MACROD2: variants seen among roughly 807,000 people sequenced by gnomAD.
MACROD2 encodes mono-ADP ribosylhydrolase 2, also known as ADP-ribose glycohydrolase MACROD2.
A neutral mutation model predicts 70.4 loss-of-function variants in MACROD2; 36 were observed. That is an observed-to-expected ratio of 0.51 (90% CI 0.39 to 0.68). The LOEUF (loss-of-function observed/expected upper bound fraction) is 0.68. Among genes scored for constraint, MACROD2 ranks in the 30% least tolerant of loss-of-function variants. The pLI, the probability that MACROD2 is intolerant of heterozygous loss-of-function variation, is 0.00. For missense variants in MACROD2, 496 were observed against 538.4 expected (o/e 0.92, Z 0.78); for synonymous variants, 172 against 178.8 (o/e 0.96, Z 0.30).
intron 6 of MACROD2, among the ~76,000 whole-genome samples, chr20:15,280,154 A>G (rs1024879151): frequency 2.0e-5 from 3 of 152,232 alleles, no homozygotes; most frequent in African/African-American, 7.2e-5. Flanking sequence ...AATTTTTATA[A>G]CAAGGAGTTT....
In MACROD2 at chr20:14,928,538, C is replaced by T. The variant is rs147155608; in HGVS notation, c.418+243579C>T. Among the ~76,000 whole-genome samples the T allele has an allele frequency of 4.4e-3, 667 of 152,092 alleles. 8 individuals carry two copies. Among genetic ancestry groups the T allele is most frequent in the African/African-American group, 0.015 (624 of 41,476 alleles). The stretch of plus-strand genomic sequence containing the variant: ...AGCAAGTAGTAGGTAAGGGATTTGC[C>T]AAAAAATTACATAGCTGGTTAATAT... On this transcript the variant is annotated intron_variant, in intron 5 of 17. Coordinates refer to ENST00000684519, the MANE Select transcript of MACROD2 (RefSeq NM_001351661.2).
At chr20:15,266,986 C>A (rs2077301145) in intron 6 of MACROD2, among the ~76,000 whole-genome samples, 1 of 152,188 alleles carries the variant, frequency 6.6e-6, no homozygotes, top group Admixed American at 6.5e-5. Context: ...AGCCATTGTG[C>A]AAATAATGTG....
chr20:14,556,011 T>C (rs1979008692), intron 4 of MACROD2, among the ~76,000 whole-genome samples: 1 of 152,068 alleles, frequency 6.6e-6, no homozygotes, highest in African/African-American at 2.4e-5. Flanking sequence ...CTTAACCATA[T>C]AATTATTTTC....
intron 3 of MACROD2, among the ~76,000 whole-genome samples, chr20:14,330,693 T>C (rs1253624037): frequency 2.0e-5 from 3 of 152,110 alleles, no homozygotes; most frequent in Admixed American, 6.6e-5. Flanking sequence ...AAACAGTCTC[T>C]AGTGAATATT....
At chr20:15,223,981 A>T (rs567281334) in intron 5 of MACROD2, among the ~76,000 whole-genome samples, 2 of 152,260 alleles carry the variant, frequency 1.3e-5, no homozygotes, top group East Asian at 3.9e-4. Context: ...CATTTAAGTT[A>T]TCCAACTGCT....
chr20:14,951,462 C>T (rs1480211819), intron 5 of MACROD2, among the ~76,000 whole-genome samples: 1 of 152,000 alleles, frequency 6.6e-6, no homozygotes, highest in Non-Finnish European at 1.5e-5. Context: ...TCTGAGGCTC[C>T]GTATCAGCTA....
At chr20:14,178,676 T>C (rs561268976) in intron 3 of MACROD2, among the ~76,000 whole-genome samples, 1 of 151,186 alleles carries the variant, frequency 6.6e-6, no homozygotes, top group Admixed American at 6.6e-5. Context: ...AGAATCATAG[T>C]AATATTTTAC....
intron 5 of MACROD2, among the ~76,000 whole-genome samples, chr20:14,918,793 A>T (rs1300849373): frequency 6.6e-6 from 1 of 152,014 alleles, no homozygotes; most frequent in Non-Finnish European, 1.5e-5. Context: ...ATTTGTCAAA[A>T]TCTTTTTATA....
At chr20:14,310,057 C>T (rs990073440) in intron 3 of MACROD2, among the ~76,000 whole-genome samples, 4 of 152,094 alleles carry the variant, frequency 2.6e-5, no homozygotes, top group African/African-American at 9.7e-5. Context: ...TTCCTCTTAT[C>T]TTTTCTTGAA....
intron 7 of MACROD2, among the ~76,000 whole-genome samples, chr20:15,488,024 CA>C (rs1439445820): frequency 6.6e-6 from 1 of 152,120 alleles, no homozygotes; most frequent in Non-Finnish European, 1.5e-5. Context: ...GAGTCAGTAA[CA>C]AAGCTAAGAG....
intron 8 of MACROD2, among the ~76,000 whole-genome samples, chr20:15,792,820 T>C (rs1352520153): frequency 6.6e-6 from 1 of 152,212 alleles, no homozygotes; most frequent in African/African-American, 2.4e-5. Flanking sequence ...GATGGGAATT[T>C]ATTCAATAGT....
intron 5 of MACROD2, among the ~76,000 whole-genome samples, chr20:15,082,817 G>C (rs76931578): frequency 6.6e-6 from 1 of 151,794 alleles, no homozygotes. Context: ...TCTTTGATAG[G>C]GTGGATTTTC....
intron 5 of MACROD2, among the ~76,000 whole-genome samples, chr20:15,065,640 C>T (rs1207811901): frequency 3.6e-5 from 5 of 137,662 alleles, no homozygotes; most frequent in Non-Finnish European, 7.7e-5. Flanking sequence ...GGCGACAGAG[C>T]GAGACTCCGT....
intron 3 of MACROD2, among the ~76,000 whole-genome samples, chr20:14,183,607 A>G (rs1471835338): frequency 6.6e-6 from 1 of 152,082 alleles, no homozygotes; most frequent in Non-Finnish European, 1.5e-5. Flanking sequence ...AATCACAACC[A>G]CAGTGGTTGA....
chr20:14,942,097 C>A (rs2074395447), intron 5 of MACROD2, among the ~76,000 whole-genome samples: 1 of 152,056 alleles, frequency 6.6e-6, no homozygotes, highest in African/African-American at 2.4e-5. Flanking sequence ...CTGCACCCAG[C>A]CAACATTCTG....
At position 15,885,813 on chromosome 20, in the gene MACROD2, T is replaced by C. The variant is rs368924007; in HGVS notation, c.775+2T>C. ...ATGTTGAAATGAAAGAAGATTCAGG[T>C]ATTAAATTCATACTTTTATTATTAG... On this transcript the variant is annotated splice_donor_variant, in intron 10 of 17. Transcript: ENST00000684519. LOFTEE classifies it high-confidence loss of function. 5 of 1,498,922 alleles carry C rather than the reference T, an allele frequency of 3.3e-6. No homozygotes were observed. The African/African-American group carries it at 7.2e-5, about 22-fold the overall frequency. 92.9% of individuals were successfully genotyped at this position (1,498,922 alleles called of 1,614,324 possible).
intron 5 of MACROD2, among the ~76,000 whole-genome samples, chr20:15,004,851 A>G (rs2075023635): frequency 6.6e-6 from 1 of 152,216 alleles, no homozygotes; most frequent in African/African-American, 2.4e-5. Flanking sequence ...CCTTATAAGC[A>G]TTCACTTTGA....
intron 3 of MACROD2, among the ~76,000 whole-genome samples, chr20:14,137,625 A>G (rs1405320860): frequency 6.6e-6 from 1 of 152,198 alleles, no homozygotes; most frequent in Non-Finnish European, 1.5e-5. Context: ...ATATACAACA[A>G]TCAACTCAAA....
chr20:14,398,509 G>A (rs1169904694), intron 3 of MACROD2, among the ~76,000 whole-genome samples: 1 of 151,848 alleles, frequency 6.6e-6, no homozygotes, highest in Admixed American at 6.6e-5. Context: ...TAGTGATGTG[G>A]AGCATCACTA....
Sources: gnomAD v4.1 joint callset for allele counts (sites outside exome capture counted in the v4.1 genomes callset) on GRCh38, gnomAD v4.1.1 for gene constraint, MANE v1.5 for transcripts, NCBI Gene and HGNC (gene_info 2026-07-23, HGNC 2026-07-21) for gene names.